ATF7: variants seen among roughly 807,000 people sequenced by gnomAD.
The protein encoded by ATF7 is cyclic AMP-dependent transcription factor ATF-7.
A neutral mutation model predicts 50.4 loss-of-function variants in ATF7; 10 were observed. The observed-to-expected ratio is 0.20, with a 90% CI of 0.12 to 0.34. The LOEUF is 0.34. Among genes scored for constraint, ATF7 ranks in the 10% least tolerant of loss-of-function variants. ATF7 has a pLI of 1.00. For missense variants in ATF7, 465 were observed against 613.9 expected (o/e 0.76, Z 2.56); for synonymous variants, 201 against 226.4 (o/e 0.89, Z 1.01).
At chr12:53,586,520 A>T (rs1942687328) in intron 2 of ATF7, among the ~76,000 whole-genome samples, 1 of 152,184 alleles carries the variant, frequency 6.6e-6, no homozygotes, top group African/African-American at 2.4e-5. Flanking sequence ...CTTTAAAACT[A>T]TCTGAACACC....
intron 7 of ATF7, among the ~76,000 whole-genome samples, 157 bp from the exon 8 acceptor site, chr12:53,532,780 C>T (rs1938984728): frequency 6.6e-6 from 1 of 152,176 alleles, no homozygotes; most frequent in Admixed American, 6.5e-5. Flanking sequence ...CTGGGAAATA[C>T]CTTTCTCCAT....
intron 2 of ATF7, among the ~76,000 whole-genome samples, chr12:53,584,329 C>G (rs1475204754): frequency 6.6e-6 from 1 of 152,148 alleles, no homozygotes; most frequent in Non-Finnish European, 1.5e-5. Flanking sequence ...CATTACACAC[C>G]TATTAGAGTG....
At chr12:53,578,334 C>G (rs1257393577) in intron 2 of ATF7, among the ~76,000 whole-genome samples, 1 of 141,684 alleles carries the variant, frequency 7.1e-6, no homozygotes, top group African/African-American at 2.6e-5. Context: ...CACCACTGCA[C>G]TCTAGCCTGG....
At chr12:53,566,554 A>T (rs1941454171) in intron 2 of ATF7, among the ~76,000 whole-genome samples, 1 of 152,102 alleles carries the variant, frequency 6.6e-6, no homozygotes, top group Non-Finnish European at 1.5e-5. Flanking sequence ...AGAACAAGAG[A>T]GTTCCTGATG....
chr12:53,624,330 T>C (rs1944518397), intron 1 of ATF7, among the ~76,000 whole-genome samples: 1 of 152,244 alleles, frequency 6.6e-6, no homozygotes, highest in South Asian at 2.1e-4. Context: ...AACCAAAGGT[T>C]AATACAACTA....
intron 4 of ATF7, chr12:53,542,766 T>C: frequency 6.8e-6 from 2 of 293,846 alleles, no homozygotes; most frequent in Non-Finnish European, 1.0e-5. Context: ...TTTATAGTTC[T>C]TTCACCGTCC....
rs181646851 is a variant in ATF7 at position 53,601,549 on chromosome 12, C to T, written c.-21-528G>A. On this transcript the variant is annotated intron_variant, in intron 1 of 11. Transcript: ENST00000420353. ...TGCCAAAGAAAACAAAGCACCCATC[C>T]TATTGGGCTACATGGGAAATGGCTT... Among the ~76,000 whole-genome samples, 350 of 152,148 alleles carry T rather than the reference C, an allele frequency of 2.3e-3. 3 individuals are homozygous for T. The highest frequency in any genetic ancestry group is 8.2e-3 in the African/African-American group (342 of 41,488).
intron 2 of ATF7, among the ~76,000 whole-genome samples, chr12:53,553,412 G>C (rs1940512660): frequency 6.6e-6 from 1 of 152,212 alleles, no homozygotes; most frequent in South Asian, 2.1e-4. Flanking sequence ...CTGTAGGCAG[G>C]ATGAGGGAAG....
At chr12:53,587,843 A>ATATATATATATATTTT in intron 2 of ATF7, among the ~76,000 whole-genome samples, 48 of 61,546 alleles carry the variant, frequency 7.8e-4, no homozygotes, top group Non-Finnish European at 1.2e-3. Flanking sequence ...ATATATATAT[A>ATATATATATATATTTT]TTTTTTTTTT....
intron 1 of ATF7, among the ~76,000 whole-genome samples, chr12:53,603,101 C>A (rs757870432): frequency 1.3e-5 from 2 of 152,170 alleles, no homozygotes; most frequent in Non-Finnish European, 2.9e-5. Context: ...AGACACAACA[C>A]AAGGATCAGG....
At position 53,618,844 on chromosome 12, in the gene ATF7, G is replaced by A. The variant is rs183052803; in HGVS notation, c.-22+7435C>T. Among the ~76,000 whole-genome samples the A allele has an allele frequency of 4.6e-4, 70 of 152,136 alleles. 1 individual carries two copies. The highest frequency in any genetic ancestry group is 1.6e-3 in the African/African-American group (65 of 41,512). On this transcript the variant is annotated intron_variant, in intron 1 of 11. Coordinates refer to ENST00000420353, the MANE Select transcript of ATF7 (RefSeq NM_006856.3). ...AGGTAGGTGGATTGCCTGAGCTCAG[G>A]CGTTCGAGACCACCCTGAGCAACAT...
chr12:53,580,261 T>C (rs1449385931), intron 2 of ATF7, among the ~76,000 whole-genome samples: 3 of 144,730 alleles, frequency 2.1e-5, no homozygotes, highest in Non-Finnish European at 4.5e-5. Flanking sequence ...AAAACAAAAT[T>C]ACTGCCAAAA....
chr12:53,563,058 G>A (rs2101300), intron 2 of ATF7, among the ~76,000 whole-genome samples: 72,596 of 151,888 alleles, frequency 0.48, 17,483 homozygotes, highest in East Asian at 0.74. Context: ...ACTGATCTGC[G>A]AAGTCTATTT....
In ATF7 at chr12:53,531,789, C is replaced by T. The variant is rs139241958; in HGVS notation, c.882G>A (p.Gln294=). 0.014 allele frequency: 22,936 copies of T among 1,612,484 alleles called. 193 individuals carry two copies. The highest frequency in any genetic ancestry group is 0.017 in the Non-Finnish European group (19,682 of 1,179,460). The stretch of plus-strand genomic sequence containing the variant: ...GGGCATCAGGGTGCTGGATGAGAAT[C>T]TGGCTCTGCTCTGGGCGGGCTGTCA... ...TMVTARPEQS[Q]ILIQHPDAPS... is the part of the protein sequence containing the mutation. The change falls in exon 9 of 12, where the codon CAG becomes CAA. Residue 294 remains glutamine, a synonymous_variant. Coordinates refer to ENST00000420353, the MANE Select transcript of ATF7 (RefSeq NM_006856.3).
At chr12:53,584,467 C>T (rs1942584651) in intron 2 of ATF7, among the ~76,000 whole-genome samples, 2 of 152,098 alleles carry the variant, frequency 1.3e-5, no homozygotes, top group Admixed American at 1.3e-4. Context: ...CAGTTTCTTA[C>T]AAAACTAAAC....
chr12:53,602,404 G>C (rs1233154152), intron 1 of ATF7, among the ~76,000 whole-genome samples: 1 of 152,194 alleles, frequency 6.6e-6, no homozygotes, highest in African/African-American at 2.4e-5. Flanking sequence ...TCAGAGGGTA[G>C]CTAGGTAACA....
At chr12:53,616,337 G>A (rs11834254) in intron 1 of ATF7, among the ~76,000 whole-genome samples, 2 of 151,818 alleles carry the variant, frequency 1.3e-5, no homozygotes, top group Admixed American at 1.3e-4. Context: ...ATCCTCCCGC[G>A]TTGGCCTCCC....
chr12:53,563,952 A>C (rs1337764904), intron 2 of ATF7, among the ~76,000 whole-genome samples: 1 of 152,198 alleles, frequency 6.6e-6, no homozygotes, highest in African/African-American at 2.4e-5. Context: ...ACAGAAAGGC[A>C]CCTAAGACAA....
intron 6 of ATF7, among the ~76,000 whole-genome samples, chr12:53,534,245 C>T (rs1262637259): frequency 6.6e-6 from 1 of 152,054 alleles, no homozygotes; most frequent in East Asian, 1.9e-4. Flanking sequence ...CCACTGCACT[C>T]CAGCCTGGGC....
Sources: gnomAD v4.1 joint callset for allele counts (sites outside exome capture counted in the v4.1 genomes callset) on GRCh38, gnomAD v4.1.1 for gene constraint, MANE v1.5 for transcripts, NCBI Gene and HGNC (gene_info 2026-07-23, HGNC 2026-07-21) for gene names.